The following CEP170 variants were observed in gnomAD, a reference collection of about 807,000 sequenced individuals.
CEP170 encodes centrosomal protein of 170 kDa.
A neutral mutation model predicts 151.9 loss-of-function variants in CEP170; 21 were observed. The observed-to-expected ratio is 0.14, with a 90% CI of 0.10 to 0.20. The LOEUF (loss-of-function observed/expected upper bound fraction) is 0.20, where lower values mean the gene tolerates loss of function less well. Ranked by LOEUF, CEP170 falls within the 10% of genes least tolerant of loss-of-function variation. The pLI is 1.00. For missense variants in CEP170, 964 were observed against 1,892.9 expected, an observed-to-expected ratio of 0.51 and a Z score of 9.11; for synonymous variants, 356 against 648.8, an observed-to-expected ratio of 0.55 and a Z score of 6.86.
chr1:243,131,115 TC>T (rs1293521539), intron 17 of CEP170, among the ~76,000 whole-genome samples: 7 of 152,088 alleles, frequency 4.6e-5, no homozygotes, highest in African/African-American at 1.7e-4. Context: ...CATAGACATT[TC>T]ACCTTTGGTG....
chr1:243,170,613 G>GCGAAACCT (rs1212962657), intron 11 of CEP170, among the ~76,000 whole-genome samples: 2 of 152,072 alleles, frequency 1.3e-5, no homozygotes, highest in Non-Finnish European at 2.9e-5. Context: ...GGCCAACATG[G>GCGAAACCT]CGAAACCTCG....
chr1:243,170,453 C>T (rs1438062817), intron 11 of CEP170, among the ~76,000 whole-genome samples: 1 of 151,998 alleles, frequency 6.6e-6, no homozygotes, highest in Non-Finnish European at 1.5e-5. Flanking sequence ...GAAGTGAAGA[C>T]TTCAAATAGA....
Position 243,124,797 on chromosome 1 carries a change from A to C in CEP170, c.*1652T>G, listed in dbSNP as rs565437793. On this transcript the variant is annotated 3_prime_UTR_variant, in exon 20 of 20. Transcript: ENST00000366542. The stretch of plus-strand genomic sequence containing the variant: ...TCAAAGCATTTGTATCTTTCCATTT[A>C]TGTTCTTTAAAACCTTTTTTCAGTC... 6.6e-6 allele frequency: 1 copy of C among 152,378 alleles called. No homozygotes were observed. The highest frequency in any genetic ancestry group is 2.1e-4 in the South Asian group (1 of 4,818). The allele number at this position is 152,378 out of a possible 1,614,324, so 9.4% of individuals were successfully genotyped here.
chr1:243,180,918 T>C (rs1030403595), intron 10 of CEP170, among the ~76,000 whole-genome samples: 1 of 152,146 alleles, frequency 6.6e-6, no homozygotes, highest in South Asian at 2.1e-4. Flanking sequence ...GTAGGGGAGA[T>C]ATATTGACAC....
intron 10 of CEP170, among the ~76,000 whole-genome samples, chr1:243,179,100 T>C (rs2059451721): frequency 6.6e-6 from 1 of 152,238 alleles, no homozygotes; most frequent in African/African-American, 2.4e-5. Context: ...CTTGTGTCCT[T>C]GATTCTCCCC....
rs1202662406 is a variant in CEP170 at position 243,190,462 on chromosome 1, TA to T, written c.1108+555del. 1.1e-4 allele frequency among the ~76,000 whole-genome samples: 17 copies of T among 152,124 alleles called. No individual in the cohort carries two copies. In the East Asian group the frequency reaches 2.5e-3, roughly 22 times the overall value. ...TCTAATTTTCATGAAGTCCTAATAT[TA>T]AAAAAAATTTTAAAACTGGATTAAT... On this transcript the variant is annotated intron_variant, in intron 8 of 19. Transcript: ENST00000366542.
intron 11 of CEP170, 87 bp from the exon 12 acceptor site, chr1:243,169,841 T>A: frequency 6.6e-7 from 1 of 1,520,978 alleles, no homozygotes. Context: ...TCACATTAAC[T>A]TGCCATACAA....
At chr1:243,160,798 T>C (rs2058003016) in intron 13 of CEP170, among the ~76,000 whole-genome samples, 1 of 152,206 alleles carries the variant, frequency 6.6e-6, no homozygotes, top group South Asian at 2.1e-4. Context: ...GCCATGCATG[T>C]CTAACATTTA....
chr1:243,200,417 T>C (rs2060948308), intron 6 of CEP170, 101 bp downstream of exon 6: 8 of 1,387,700 alleles, frequency 5.8e-6, no homozygotes, highest in Middle Eastern at 2.3e-4. Context: ...ATCACTATTA[T>C]AAATTATTTT....
intron 10 of CEP170, among the ~76,000 whole-genome samples, chr1:243,184,852 C>T (rs2059839899): frequency 6.6e-6 from 1 of 151,906 alleles, no homozygotes; most frequent in Non-Finnish European, 1.5e-5. Context: ...TAGATTTTGA[C>T]TTGGTATATA....
intron 10 of CEP170, among the ~76,000 whole-genome samples, chr1:243,183,689 A>G (rs956998479): frequency 2.0e-5 from 3 of 152,046 alleles, no homozygotes; most frequent in African/African-American, 7.2e-5. Flanking sequence ...TCCCAGCAAT[A>G]TGGTCTCAGC....
rs1157840099 is a variant in CEP170 at position 243,126,184 on chromosome 1, AT to A, written c.*264del. 1 of 549,468 alleles carries A rather than the reference AT, an allele frequency of 1.8e-6. No homozygotes were observed. The highest frequency in any genetic ancestry group is 3.5e-6 in the Non-Finnish European group (1 of 288,216). The allele number at this position is 549,468 out of a possible 1,614,324, so 34.0% of individuals were successfully genotyped here. A position where few individuals can be genotyped will look rare whatever the true frequency, so the allele number is the denominator to read the frequency against. ...TGAAGGGAAAGGGTGTAATCATTAAATTCAATTTGAAAATCATAAAACCACA... is the reference window on the plus strand; with the variant it reads ...TGAAGGGAAAGGGTGTAATCATTAAATCAATTTGAAAATCATAAAACCACA... On this transcript the variant is annotated 3_prime_UTR_variant, in exon 20 of 20. Transcript: ENST00000366542.
At chr1:243,246,475 G>A (rs1356022465) in intron 1 of CEP170, among the ~76,000 whole-genome samples, 1 of 152,078 alleles carries the variant, frequency 6.6e-6, no homozygotes, top group Non-Finnish European at 1.5e-5. Context: ...CAAGTGATCT[G>A]CTGGCTTCGG....
chr1:243,179,500 A>G (rs566410530), intron 10 of CEP170, among the ~76,000 whole-genome samples: 1 of 152,336 alleles, frequency 6.6e-6, no homozygotes, highest in East Asian at 1.9e-4. Flanking sequence ...TTACAAAGCT[A>G]AGTTTATAAT....
rs573137962 is a variant in CEP170 at position 243,243,228 on chromosome 1, A to AAAGG, written c.-42+11808_-42+11811dup. ...GACAGAGTGAGAGAGAGGGAGGGAG[A>AAAGG]AAGGAAGGAAGGAAAGAGTCATAGG... On this transcript the variant is annotated intron_variant, in intron 1 of 19. Coordinates refer to ENST00000366542, the MANE Select transcript of CEP170 (RefSeq NM_014812.3). Among the ~76,000 whole-genome samples, 710 of 152,018 alleles carry AAAGG rather than the reference A, an allele frequency of 4.7e-3. 7 individuals are homozygous for AAAGG. Among genetic ancestry groups the AAAGG allele is most frequent in the African/African-American group, 0.016 (679 of 41,498 alleles).
chr1:243,210,809 G>A (rs2061737729), intron 4 of CEP170, among the ~76,000 whole-genome samples: 1 of 151,530 alleles, frequency 6.6e-6, no homozygotes, highest in Non-Finnish European at 1.5e-5. Context: ...ATTTTTAGTA[G>A]AGACGGGGTT....
chr1:243,194,142 A>T (rs1177626763), intron 7 of CEP170, among the ~76,000 whole-genome samples: 2 of 151,806 alleles, frequency 1.3e-5, no homozygotes. Context: ...GGCAGGGTAC[A>T]AAAGTGAGGA....
intron 1 of CEP170, among the ~76,000 whole-genome samples, chr1:243,252,299 T>G (rs913254459): frequency 6.6e-6 from 1 of 152,172 alleles, no homozygotes; most frequent in Non-Finnish European, 1.5e-5. Flanking sequence ...CTGCTTAACA[T>G]CCCAGTGTTT....
chr1:243,126,321 A>G lies in CEP170; in HGVS notation c.*128T>C. 1.1e-6 allele frequency: 1 copy of G among 948,450 alleles called. No homozygotes were observed. Among genetic ancestry groups the G allele is most frequent in the Non-Finnish European group, 1.6e-6 (1 of 615,942 alleles). The allele number at this position is 948,450 out of a possible 1,614,324, so 58.8% of individuals were successfully genotyped here. Reference sequence around the variant, plus strand: ...TATACGTCAAAAATAAATAAATAAAATTAAGAAGACAGGGATTCCAAGATT... The same window carrying G: ...TATACGTCAAAAATAAATAAATAAAGTTAAGAAGACAGGGATTCCAAGATT... On this transcript the variant is annotated 3_prime_UTR_variant, in exon 20 of 20. Coordinates refer to ENST00000366542, the MANE Select transcript of CEP170 (RefSeq NM_014812.3).
Sources: gnomAD v4.1 joint callset for allele counts (sites outside exome capture counted in the v4.1 genomes callset) on GRCh38, gnomAD v4.1.1 for gene constraint, MANE v1.5 for transcripts, NCBI Gene and HGNC (gene_info 2026-07-23, HGNC 2026-07-21) for gene names.